Variants in RYR3 observed in about 807,000 individuals in gnomAD.
RYR3 encodes the protein ryanodine receptor 3, also known as brain ryanodine receptor-calcium release channel.
RYR3 carries 207 observed loss-of-function variants against 584.3 expected under a neutral mutation model. That is an observed-to-expected ratio of 0.35 (90% CI 0.32 to 0.40). The LOEUF is 0.40. Among genes scored for constraint, RYR3 ranks in the 10% least tolerant of loss-of-function variants. The pLI, the probability that RYR3 is intolerant of heterozygous loss-of-function variation, is 1.00. For missense variants in RYR3, 5,616 were observed against 6,089.2 expected, an observed-to-expected ratio of 0.92 and a Z score of 2.59; for synonymous variants, 2,416 against 2,248.5, an observed-to-expected ratio of 1.07 and a Z score of -2.11.
chr15:33,743,176 G>A (rs1440919986), intron 52 of RYR3, among the ~76,000 whole-genome samples: 1 of 152,162 alleles, frequency 6.6e-6, no homozygotes, highest in African/African-American at 2.4e-5. Flanking sequence ...CATACAATGT[G>A]CCCACAGAGA....
chr15:33,473,389 C>T (rs935526236), intron 1 of RYR3, 30 bp from the exon 2 acceptor site: 2 of 1,613,376 alleles, frequency 1.2e-6, no homozygotes. Context: ...GTTCCCCTTA[C>T]TCATGTTTGG....
chr15:33,462,789 A>AGAGT (rs1259362750), intron 1 of RYR3, among the ~76,000 whole-genome samples: 1 of 152,166 alleles, frequency 6.6e-6, no homozygotes, highest in Admixed American at 6.5e-5. Context: ...CACAGTGCTT[A>AGAGT]GAGTGCATCA....
chr15:33,755,221 C>T (rs374696405), intron 58 of RYR3, 41 bp downstream of exon 58: 1 of 1,126,900 alleles, frequency 8.9e-7, no homozygotes, highest in African/African-American at 1.5e-5. Context: ...ATTCAATATT[C>T]TTTTATCAAG....
chr15:33,801,779 T>A (rs1215957502), intron 68 of RYR3, 90 bp from the exon 69 acceptor site: 1 of 678,200 alleles, frequency 1.5e-6, no homozygotes, highest in Middle Eastern at 3.7e-4. Flanking sequence ...AGAGGAGGGG[T>A]CTATTCCGTT....
chr15:33,564,215 A>G (rs772562524), intron 11 of RYR3, among the ~76,000 whole-genome samples: 1 of 152,202 alleles, frequency 6.6e-6, no homozygotes, highest in Non-Finnish European at 1.5e-5. Context: ...AGTCCAGAGT[A>G]GAGAGAACTG....
intron 8 of RYR3, 57 bp from the exon 9 acceptor site, chr15:33,548,073 A>C (rs2141219575): frequency 4.8e-6 from 6 of 1,237,968 alleles, no homozygotes; most frequent in Non-Finnish European, 7.1e-6. Context: ...GCTGTTCTTC[A>C]CCCGGGTGCT....
In RYR3 at chr15:33,575,292, T is replaced by C. The variant is rs185755601; in HGVS notation, c.1269-4684T>C. On this transcript the variant is annotated intron_variant, in intron 12 of 103. Transcript: ENST00000634891. ...CAAGTGGACCTGATAAATGTCTACA[T>C]AACTCTCCACGCAAAAACAACAGAA... is the stretch of plus-strand genomic sequence containing the variant. 1.1e-3 allele frequency among the ~76,000 whole-genome samples: 167 copies of C among 152,272 alleles called. 3 individuals carry two copies. The highest frequency in any genetic ancestry group is 4.0e-3 in the African/African-American group (166 of 41,556).
chr15:33,610,846 G>A (rs1429383131), intron 18 of RYR3, among the ~76,000 whole-genome samples: 2 of 151,974 alleles, frequency 1.3e-5, no homozygotes, highest in Non-Finnish European at 2.9e-5. Context: ...TAATAATTTT[G>A]TGCATGAAAC....
rs556675419 is a variant in RYR3 at position 33,438,234 on chromosome 15, A to G, written c.52-35185A>G. Among the ~76,000 whole-genome samples, 7 of 152,222 alleles carry G rather than the reference A, an allele frequency of 4.6e-5. No homozygotes were observed. In the East Asian group the frequency reaches 1.2e-3, roughly 25 times the overall value. ...TTATTAATTATAGTCACCATGATGT[A>G]CGGTGGATCCCCAGAACTTATTCCC... On this transcript the variant is annotated intron_variant, in intron 1 of 103. Coordinates refer to ENST00000634891, the MANE Select transcript of RYR3 (RefSeq NM_001036.6).
At chr15:33,805,013 A>T (rs1171717831) in intron 69 of RYR3, among the ~76,000 whole-genome samples, 1 of 152,136 alleles carries the variant, frequency 6.6e-6, no homozygotes, top group Non-Finnish European at 1.5e-5. Flanking sequence ...AGATAACGCT[A>T]TTTTTCTGGG....
chr15:33,527,077 G>A (rs554390677), intron 3 of RYR3, among the ~76,000 whole-genome samples: 1 of 152,232 alleles, frequency 6.6e-6, no homozygotes, highest in African/African-American at 2.4e-5. Context: ...AGGATGTGAT[G>A]GAGAGCGTGC....
intron 60 of RYR3, among the ~76,000 whole-genome samples, chr15:33,762,906 G>A (rs1596478357): frequency 6.6e-6 from 1 of 152,120 alleles, no homozygotes; most frequent in East Asian, 1.9e-4. Context: ...CATGGTGCTG[G>A]TACCAAAACA....
chr15:33,633,718 T>C (rs1163035233), intron 24 of RYR3, among the ~76,000 whole-genome samples: 1 of 152,200 alleles, frequency 6.6e-6, no homozygotes, highest in South Asian at 2.1e-4. Context: ...CAAAACAGCA[T>C]GTTATACATA....
At chr15:33,577,956 AACAG>A (rs1038817742) in intron 12 of RYR3, among the ~76,000 whole-genome samples, 57 of 152,346 alleles carry the variant, frequency 3.7e-4, no homozygotes, top group African/African-American at 1.3e-3. Flanking sequence ...AAAGGATATA[AACAG>A]ACAGTTCTCA....
chr15:33,659,205 G>A (rs557726945), intron 32 of RYR3, among the ~76,000 whole-genome samples: 12 of 152,312 alleles, frequency 7.9e-5, no homozygotes, highest in African/African-American at 2.9e-4. Flanking sequence ...TGAAATGTCG[G>A]CAGTGCCAAG....
At position 33,776,958 on chromosome 15, in the gene RYR3, A is replaced by C. The variant is rs1053492965; in HGVS notation, c.9138-3253A>C. Among the ~76,000 whole-genome samples, 3 of 152,224 alleles carry C rather than the reference A, an allele frequency of 2.0e-5. No homozygotes were observed. In the East Asian group the frequency reaches 5.8e-4, roughly 29 times the overall value. On this transcript the variant is annotated intron_variant, in intron 64 of 103. Coordinates refer to ENST00000634891, the MANE Select transcript of RYR3 (RefSeq NM_001036.6). The stretch of plus-strand genomic sequence containing the variant: ...TGACCAAGTATGTATTGTGTGAAAA[A>C]TACTGTATGAGGCAGTGAGAACCGA...
At chr15:33,774,322 A>G (rs2073841176) in intron 64 of RYR3, among the ~76,000 whole-genome samples, 1 of 152,208 alleles carries the variant, frequency 6.6e-6, no homozygotes, top group South Asian at 2.1e-4. Context: ...TCCTTGGAAG[A>G]TTTTTGTTTT....
At chr15:33,500,739 G>A (rs2051903463) in intron 2 of RYR3, among the ~76,000 whole-genome samples, 1 of 152,120 alleles carries the variant, frequency 6.6e-6, no homozygotes, top group Non-Finnish European at 1.5e-5. Context: ...TGGCCTCCTA[G>A]GGGACTCTCA....
At chr15:33,349,593 ATT>A (rs200905535) in intron 1 of RYR3, among the ~76,000 whole-genome samples, 5 of 135,706 alleles carry the variant, frequency 3.7e-5, no homozygotes, top group African/African-American at 8.3e-5. Context: ...TTTTCTTCAG[ATT>A]TTTTTTTTTT....
Sources: allele counts gnomAD v4.1 joint callset (sites outside exome capture counted in the v4.1 genomes callset), GRCh38; gene constraint gnomAD v4.1.1; transcripts MANE v1.5; gene names NCBI Gene and HGNC (gene_info 2026-07-23, HGNC 2026-07-21).